The following MMP28 variants were observed in gnomAD, a reference collection of about 807,000 sequenced individuals.
MMP28 encodes the protein matrix metalloproteinase-28.
In MMP28, 55 loss-of-function variants were observed where a neutral mutation model predicts 60.5. The ratio of observed to expected loss-of-function variants is 0.91; its 90% CI spans 0.73 to 1.14. The LOEUF (loss-of-function observed/expected upper bound fraction) is 1.14. MMP28 is among the 50% of genes most tolerant of loss of function. The pLI is 0.00. For synonymous variants in MMP28, 318 were observed against 312.5 expected (o/e 1.02, Z -0.18); for missense variants, 686 against 738.3 (o/e 0.93, Z 0.82).
Position 35,767,822 on chromosome 17 carries a change from C to T in MMP28, c.1098G>A (p.Trp366Ter). 6.2e-7 allele frequency: 1 copy of T among 1,610,910 alleles called. No homozygotes were observed. Among genetic ancestry groups the T allele is most frequent in the South Asian group, 1.1e-5 (1 of 90,382 alleles). Residue 366 changes from tryptophan (W) to a stop codon, truncating the protein, a stop_gained, in exon 7 of 8, where the codon TGG becomes TGA. Coordinates refer to ENST00000605424, the MANE Select transcript of MMP28 (RefSeq NM_024302.5). LOFTEE classifies it high-confidence loss of function. ...CCTCAATGTTGGGGGGCAGCCCGAC[C>T]CATCTTTCCTGCAGTGGACGGGGCT... ...VSEPRPLQERWVGLPPNIEAA... is the reference protein window; with the variant it reads ...VSEPRPLQER
intron 1 of MMP28, among the ~76,000 whole-genome samples, chr17:35,793,186 T>C (rs374092804): frequency 1.2e-4 from 18 of 152,228 alleles, no homozygotes; most frequent in Non-Finnish European, 2.2e-4. Context: ...AAAAATCCCC[T>C]TCCCCAAATT....
chr17:35,770,081 A>T lies in MMP28; in HGVS notation c.836T>A (p.Val279Glu). The T allele has an allele frequency of 6.3e-7, 1 of 1,585,510 alleles. No homozygotes were observed. The highest frequency in any genetic ancestry group is 1.2e-5 in the South Asian group (1 of 86,592). The change falls in exon 5 of 8, where the codon GTG becomes GAG. Residue 279 changes from valine to glutamate, a missense_variant. Coordinates refer to ENST00000605424, the MANE Select transcript of MMP28 (RefSeq NM_024302.5). ...CGGGGCCTCACCATACAGGCTCTGCACGGCCAGCACGTCGTCCCAGCTGAG... is the reference window on the plus strand; with the variant it reads ...CGGGGCCTCACCATACAGGCTCTGCTCGGCCAGCACGTCGTCCCAGCTGAG... ...ALLSWDDVLAVQSLYGKPLGG... is the reference protein window; with the variant it reads ...ALLSWDDVLAEQSLYGKPLGG...
At position 35,768,315 on chromosome 17, in the gene MMP28, G is replaced by C. The variant is rs752171397; in HGVS notation, c.915C>G (p.Thr305=). The part of the protein sequence containing the change: ...LPGKLFTDFE[T]WDSYSPQGRR... ...TTCCTTGGGGGCTGTAGGAGTCCCA[G>C]GTCTCAAAGTCAGTGAACAGCTTTC... is the stretch of plus-strand genomic sequence containing the variant. The change falls in exon 6 of 8, where the codon ACC becomes ACG. Residue 305 remains threonine, a synonymous_variant. Transcript: ENST00000605424. 1.9e-6 allele frequency: 3 copies of C among 1,613,382 alleles called. No individual in the cohort carries two copies. Among genetic ancestry groups the C allele is most frequent in the Non-Finnish European group, 2.5e-6 (3 of 1,179,602 alleles).
At chr17:35,793,435 GATGTTGTA>G (rs2086873423) in intron 1 of MMP28, among the ~76,000 whole-genome samples, 1 of 152,166 alleles carries the variant, frequency 6.6e-6, no homozygotes, top group Admixed American at 6.5e-5. Flanking sequence ...CTCTGTACTT[GATGTTGTA>G]AGAGTCTCAA....
intron 3 of MMP28, 90 bp from the exon 4 acceptor site, chr17:35,773,494 C>G: frequency 8.6e-7 from 1 of 1,166,466 alleles, no homozygotes; most frequent in Admixed American, 2.4e-5. Flanking sequence ...GGGGTAGGCC[C>G]TCCCCCAGCA....
At chr17:35,769,003 G>A (rs1390231991) in intron 5 of MMP28, among the ~76,000 whole-genome samples, 1 of 152,164 alleles carries the variant, frequency 6.6e-6, no homozygotes, top group Admixed American at 6.5e-5. Flanking sequence ...GTGTCATGAG[G>A]GCAGAGTCCA....
intron 1 of MMP28, among the ~76,000 whole-genome samples, chr17:35,782,981 G>A (rs549951925): frequency 6.6e-5 from 10 of 152,078 alleles, no homozygotes; most frequent in Admixed American, 1.3e-4. Flanking sequence ...CACCTGCCAC[G>A]ATGCCCGGCT....
intron 4 of MMP28, among the ~76,000 whole-genome samples, chr17:35,771,756 A>ATAT (rs1568151512): frequency 2.1e-4 from 17 of 80,914 alleles, no homozygotes; most frequent in Non-Finnish European, 3.8e-4. Context: ...TATATATATA[A>ATAT]AATTGTGTTC....
chr17:35,761,463 G>A (rs1555601509), downstream of MMP28, among the ~76,000 whole-genome samples: 1 of 151,634 alleles, frequency 6.6e-6, no homozygotes, highest in African/African-American at 2.4e-5. Flanking sequence ...ACCCAGGCTG[G>A]AGTACAGTGG....
intron 1 of MMP28, among the ~76,000 whole-genome samples, chr17:35,780,922 A>C (rs1197152744): frequency 1.3e-5 from 2 of 152,232 alleles, no homozygotes; most frequent in Non-Finnish European, 2.9e-5. Flanking sequence ...GAATAATTTA[A>C]AGAAACTTCA....
chr17:35,764,681 TTC>T, downstream of MMP28: 2 of 1,485,036 alleles, frequency 1.3e-6, no homozygotes, highest in Non-Finnish European at 1.8e-6. Flanking sequence ...CCTACCGACC[TTC>T]TCTCTTGGAG....
At chr17:35,773,926 CTTCACTCTGCCCT>C (rs900122671) in intron 3 of MMP28, among the ~76,000 whole-genome samples, 28 of 152,324 alleles carry the variant, frequency 1.8e-4, no homozygotes, top group Non-Finnish European at 4.0e-4. Context: ...CCTCTAGACA[CTTCACTCTGCCCT>C]TTCCAGGGCC....
At chr17:35,774,648 G>A (rs1012013467) in intron 3 of MMP28, among the ~76,000 whole-genome samples, 9 of 152,156 alleles carry the variant, frequency 5.9e-5, no homozygotes, top group African/African-American at 2.2e-4. Context: ...TGGGGGAGGG[G>A]TACATCCCTT....
At chr17:35,765,747 C>A, downstream of MMP28, 2 of 680,946 alleles carry the variant, frequency 2.9e-6, no homozygotes, top group Non-Finnish European at 3.6e-6. Context: ...GCTCTGCACA[C>A]ACACACACAG....
At chr17:35,774,812 C>T (rs1555607168) in intron 3 of MMP28, among the ~76,000 whole-genome samples, 1 of 152,208 alleles carries the variant, frequency 6.6e-6, no homozygotes, top group Non-Finnish European at 1.5e-5. Context: ...ACAAAGAAGG[C>T]AGAGGGAAGA....
intron 4 of MMP28, among the ~76,000 whole-genome samples, chr17:35,771,430 C>CAA (rs548706247): frequency 0.046 from 2,155 of 47,034 alleles, 158 homozygotes; most frequent in African/African-American, 0.14. Flanking sequence ...GACTCTGTCT[C>CAA]AAAAAAAAAA....
intron 7 of MMP28, among the ~76,000 whole-genome samples, chr17:35,767,314 T>C (rs1275457835): frequency 6.6e-6 from 1 of 152,222 alleles, no homozygotes; most frequent in Non-Finnish European, 1.5e-5. Flanking sequence ...AGTATTAACA[T>C]GTATCTAGTA....
chr17:35,786,112 AAT>A, intron 1 of MMP28, among the ~76,000 whole-genome samples: 1 of 150,140 alleles, frequency 6.7e-6, no homozygotes, highest in South Asian at 2.1e-4. Flanking sequence ...GCTGGAGTGC[AAT>A]GGCACGATCT....
downstream of MMP28, chr17:35,764,420 C>T (rs1159955945): frequency 5.2e-6 from 8 of 1,528,028 alleles, no homozygotes; most frequent in African/African-American, 2.8e-5. Flanking sequence ...TGGTCCCCGC[C>T]GGCAGGAAGC....
Sources: allele counts gnomAD v4.1 joint callset (sites outside exome capture counted in the v4.1 genomes callset), GRCh38; gene constraint gnomAD v4.1.1; transcripts MANE v1.5; gene names NCBI Gene and HGNC (gene_info 2026-07-23, HGNC 2026-07-21).